The following NRCAM variants were observed in gnomAD, a reference collection of about 807,000 sequenced individuals.
The protein encoded by NRCAM is NgCAM-related cell adhesion molecule.
NRCAM carries 83 observed loss-of-function variants against 156.5 expected under a neutral mutation model. The ratio of observed to expected loss-of-function variants is 0.53; its 90% CI spans 0.44 to 0.64. The LOEUF is 0.64. Ranked by LOEUF, NRCAM falls within the 30% of genes least tolerant of loss-of-function variation. The probability of loss-of-function intolerance (pLI) is 0.00; values close to 1 mark genes in which losing one functional copy is unlikely to be tolerated. For missense variants in NRCAM, 1,417 were observed against 1,597.3 expected (o/e 0.89, Z 1.92); for synonymous variants, 538 against 563.9 (o/e 0.95, Z 0.65).
intron 11 of NRCAM, among the ~76,000 whole-genome samples, chr7:108,217,120 T>C (rs1475559300): frequency 6.6e-6 from 1 of 152,214 alleles, no homozygotes; most frequent in African/African-American, 2.4e-5. Flanking sequence ...GCCCTTTTTG[T>C]TGATGCTGAT....
chr7:108,192,686 A>G (rs951828927), intron 17 of NRCAM, among the ~76,000 whole-genome samples: 18 of 152,190 alleles, frequency 1.2e-4, no homozygotes, highest in Non-Finnish European at 2.2e-4. Flanking sequence ...CCACTCATTC[A>G]GTTCAATTTC....
intron 28 of NRCAM, among the ~76,000 whole-genome samples, chr7:108,169,149 T>C (rs2056882434): frequency 6.6e-6 from 1 of 152,202 alleles, no homozygotes; most frequent in South Asian, 2.1e-4. Flanking sequence ...CAAAGCATTT[T>C]CTGAAAAATC....
At chr7:108,412,837 T>G (rs1439196690) in intron 1 of NRCAM, among the ~76,000 whole-genome samples, 2 of 152,218 alleles carry the variant, frequency 1.3e-5, no homozygotes, top group South Asian at 4.1e-4. Flanking sequence ...CTAAACATAA[T>G]GTCCTCCAGG....
At chr7:108,377,295 A>C (rs1201675995) in intron 2 of NRCAM, among the ~76,000 whole-genome samples, 1 of 152,212 alleles carries the variant, frequency 6.6e-6, no homozygotes, top group African/African-American at 2.4e-5. Context: ...AACAAAATGA[A>C]TCCCAGACAA....
At chr7:108,180,737 G>C (rs920456925) in intron 24 of NRCAM, among the ~76,000 whole-genome samples, 1 of 152,182 alleles carries the variant, frequency 6.6e-6, no homozygotes, top group Admixed American at 6.5e-5. Context: ...GAGGACAATA[G>C]GATTTAAGTC....
At position 108,194,026 on chromosome 7, in the gene NRCAM, T is replaced by C. The variant is rs143410308; in HGVS notation, c.1776A>G (p.Glu592=). ...GTAAAGAAATCGTCTTCAAATACCT[T>C]TCATCACTGGGCAGTTCCCTGTTGT... is the stretch of plus-strand genomic sequence containing the variant. ...LKDNRELPSD[E]RFTVDKDHLV... The change falls in exon 17 of 33, where the codon GAA becomes GAG. Residue 592 remains glutamate, a splice_region_variant and synonymous_variant. Transcript: ENST00000379028. The C allele has an allele frequency of 2.4e-5, 39 of 1,612,952 alleles. No homozygotes were observed. Among genetic ancestry groups the C allele is most frequent in the Non-Finnish European group, 3.1e-5 (36 of 1,179,578 alleles).
At chr7:108,244,799 G>A (rs1429870608) in intron 3 of NRCAM, among the ~76,000 whole-genome samples, 1 of 152,112 alleles carries the variant, frequency 6.6e-6, no homozygotes, top group Non-Finnish European at 1.5e-5. Context: ...AGTACCTAAG[G>A]AATGGTGAAC....
At chr7:108,341,583 G>C (rs1295345534) in intron 2 of NRCAM, among the ~76,000 whole-genome samples, 1 of 152,180 alleles carries the variant, frequency 6.6e-6, no homozygotes, top group Non-Finnish European at 1.5e-5. Context: ...ACAACCGTTT[G>C]TGGTCCCTTG....
At position 108,376,130 on chromosome 7, in the gene NRCAM, AT is replaced by A. The variant is rs1180580638; in HGVS notation, c.-174+23305del. 2.0e-5 allele frequency among the ~76,000 whole-genome samples: 3 copies of A among 152,168 alleles called. No homozygotes were observed. In the East Asian group the frequency reaches 5.8e-4, roughly 29 times the overall value. On this transcript the variant is annotated intron_variant, in intron 2 of 32. Transcript: ENST00000379028. ...GGGAGTTACTTCAACTTTGGATATA[AT>A]CTGGAGAGGCCCTGAATCCAGTTCC...
At chr7:108,414,000 A>T (rs1216518675) in intron 1 of NRCAM, among the ~76,000 whole-genome samples, 1 of 152,192 alleles carries the variant, frequency 6.6e-6, no homozygotes, top group East Asian at 1.9e-4. Context: ...TGTAGCTGCT[A>T]TTATAGAGAC....
At chr7:108,290,655 TAAAC>T (rs145413287) in intron 3 of NRCAM, among the ~76,000 whole-genome samples, 2,682 of 152,282 alleles carry the variant, frequency 0.018, 91 homozygotes, top group African/African-American at 0.061. Flanking sequence ...TTACAGAACT[TAAAC>T]AATAAAGAAT....
At chr7:108,215,886 T>C (rs2088306933) in intron 11 of NRCAM, among the ~76,000 whole-genome samples, 1 of 152,220 alleles carries the variant, frequency 6.6e-6, no homozygotes, top group Non-Finnish European at 1.5e-5. Context: ...CTGCGTCTTT[T>C]AATTTGGGCA....
At chr7:108,177,435 A>G (rs1477178049) in intron 26 of NRCAM, among the ~76,000 whole-genome samples, 1 of 152,098 alleles carries the variant, frequency 6.6e-6, no homozygotes, top group East Asian at 1.9e-4. Flanking sequence ...CATCCTGGCT[A>G]ACATGGTGAA....
At chr7:108,419,258 T>G (rs956662651) in intron 1 of NRCAM, among the ~76,000 whole-genome samples, 3 of 152,224 alleles carry the variant, frequency 2.0e-5, no homozygotes, top group Non-Finnish European at 1.5e-5. Context: ...CGTTTTATTT[T>G]CAGATAATCT....
At position 108,443,319 on chromosome 7, in the gene NRCAM, G is replaced by A. The variant is rs572540856; in HGVS notation, c.-332+12924C>T. Among the ~76,000 whole-genome samples, 111 of 152,220 alleles carry A rather than the reference G, an allele frequency of 7.3e-4. 1 individual carries two copies. Among genetic ancestry groups the A allele is most frequent in the African/African-American group, 2.6e-3 (106 of 41,542 alleles). On this transcript the variant is annotated intron_variant, in intron 1 of 32. Coordinates refer to ENST00000379028, the MANE Select transcript of NRCAM (RefSeq NM_001037132.4). Reference sequence around the variant, plus strand: ...TGAAGAACAGACATTCACACCAAATGGGGAGACATCATAAAGGACCAGCTG... The same window carrying A: ...TGAAGAACAGACATTCACACCAAATAGGGAGACATCATAAAGGACCAGCTG...
At chr7:108,382,610 A>T (rs2099706623) in intron 2 of NRCAM, among the ~76,000 whole-genome samples, 1 of 152,052 alleles carries the variant, frequency 6.6e-6, no homozygotes, top group African/African-American at 2.4e-5. Context: ...CTCCATCTCT[A>T]AAAAAGGAAA....
chr7:108,229,338 C>A (rs1053351280), intron 8 of NRCAM, among the ~76,000 whole-genome samples: 1 of 152,184 alleles, frequency 6.6e-6, no homozygotes, highest in African/African-American at 2.4e-5. Flanking sequence ...TTGTAGCTCA[C>A]TGCAGCCTTG....
chr7:108,401,769 C>T (rs1310308647), intron 1 of NRCAM, among the ~76,000 whole-genome samples: 1 of 152,144 alleles, frequency 6.6e-6, no homozygotes, highest in Non-Finnish European at 1.5e-5. Flanking sequence ...TACTCTCTCT[C>T]CCGACCATGC....
At chr7:108,408,664 A>G (rs975566572) in intron 1 of NRCAM, among the ~76,000 whole-genome samples, 1 of 152,190 alleles carries the variant, frequency 6.6e-6, no homozygotes, top group Non-Finnish European at 1.5e-5. Flanking sequence ...TAGCTCACAT[A>G]TGTCTTTACT....
Sources: gnomAD v4.1 joint callset for allele counts (sites outside exome capture counted in the v4.1 genomes callset) on GRCh38, gnomAD v4.1.1 for gene constraint, MANE v1.5 for transcripts, NCBI Gene and HGNC (gene_info 2026-07-23, HGNC 2026-07-21) for gene names.